Variants in HEATR1 observed in about 807,000 individuals in gnomAD.
The protein encoded by HEATR1 is HEAT repeat containing 1.
Under a neutral mutation model 248.2 loss-of-function variants are expected in HEATR1, and 77 were observed. The ratio of observed to expected loss-of-function variants is 0.31; its 90% confidence interval spans 0.26 to 0.37. The LOEUF (loss-of-function observed/expected upper bound fraction) is 0.37, where lower values mean the gene tolerates loss of function less well. HEATR1 is among the 10% of genes least tolerant of loss of function. The pLI, the probability that HEATR1 is intolerant of heterozygous loss-of-function variation, is 1.00. For missense variants in HEATR1, 2,420 were observed against 2,504.9 expected, an observed-to-expected ratio of 0.97 and a Z score of 0.72; for synonymous variants, 897 against 923.1, an observed-to-expected ratio of 0.97 and a Z score of 0.51.
At chr1:236,581,505 A>G (rs1356262945) in intron 19 of HEATR1, 91 bp from the exon 20 acceptor site, 18 of 908,898 alleles carry the variant, frequency 2.0e-5, no homozygotes, top group Non-Finnish European at 2.8e-5. Context: ...ATTATAAAGA[A>G]ACAAATAATT....
chr1:236,588,333 G>T (rs1558189665), intron 12 of HEATR1, among the ~76,000 whole-genome samples: 1 of 152,218 alleles, frequency 6.6e-6, no homozygotes, highest in African/African-American at 2.4e-5. Flanking sequence ...ATTAAAGTGA[G>T]AGCCCAGATA....
At chr1:236,595,483 A>T in intron 8 of HEATR1, 57 bp downstream of exon 8, 1 of 1,406,930 alleles carries the variant, frequency 7.1e-7, no homozygotes, top group Non-Finnish European at 9.8e-7. Flanking sequence ...GGATATGGTT[A>T]CTATTTTAAG....
intron 44 of HEATR1, chr1:236,551,244 G>A: frequency 2.1e-6 from 1 of 469,310 alleles, no homozygotes. Context: ...TCCTAGGGAT[G>A]CCACCCCTTT....
chr1:236,558,177 G>T, intron 36 of HEATR1, 60 bp downstream of exon 36: 3 of 1,474,368 alleles, frequency 2.0e-6, no homozygotes, highest in Non-Finnish European at 2.7e-6. Flanking sequence ...TCACCAAAGT[G>T]TTATTTTTCA....
chr1:236,571,770 C>A, intron 26 of HEATR1, 84 bp from the exon 27 acceptor site: 1 of 837,394 alleles, frequency 1.2e-6, no homozygotes, highest in Non-Finnish European at 1.9e-6. Context: ...GTCCAGAACT[C>A]ATTCAATAAG....
intron 20 of HEATR1, among the ~76,000 whole-genome samples, chr1:236,579,927 TAAA>T (rs764327680): frequency 1.1e-5 from 1 of 94,804 alleles, no homozygotes; most frequent in South Asian, 2.9e-4. Context: ...ATTTTGGAAT[TAAA>T]AAAAAAACAA....
rs1331363015 is a variant in HEATR1 at position 236,552,123 on chromosome 1, G to C, written c.6238-16C>G. 5 of 1,527,330 alleles carry C rather than the reference G, an allele frequency of 3.3e-6. No individual in the cohort carries two copies. The highest frequency in any genetic ancestry group is 1.1e-5 in the South Asian group (1 of 88,772). The allele number at this position is 1,527,330 out of a possible 1,614,324, so 94.6% of individuals were successfully genotyped here. A position where few individuals can be genotyped will look rare whatever the true frequency, so the allele number is the denominator to read the frequency against. ...CAAATCGAACCTGAAAGGGATAAAA[G>C]AGCAAAGAAATAAAAAGTAGTGTTA... On this transcript the variant is annotated splice_polypyrimidine_tract_variant and intron_variant, in intron 43 of 44. Transcript: ENST00000366582.
chr1:236,579,217 C>T, intron 20 of HEATR1, among the ~76,000 whole-genome samples: 1 of 152,142 alleles, frequency 6.6e-6, no homozygotes, highest in East Asian at 1.9e-4. Context: ...AGGCATACAA[C>T]TGTTTATTCA....
rs1283040331 is a variant in HEATR1, at chr1:236,581,237, A to G, written c.2740T>C (p.Ser914Pro). The G allele has an allele frequency of 6.2e-7, 1 of 1,613,256 alleles. No homozygotes were observed. The highest frequency in any genetic ancestry group is 2.2e-5 in the East Asian group (1 of 44,858). Residue 914 changes from serine to proline, a missense_variant, in exon 20 of 45, where the codon TCC becomes CCC. By Grantham distance (74) the Ser-to-Pro change is moderately conservative (BLOSUM62 -1). Transcript: ENST00000366582. The part of the protein sequence containing the change: ...QKTQCKHQLA[S>P]ISSPVVTSLL... ...CTTTTAATACCTGGAGAAGATATGG[A>G]TGCCAGTTGGTGTTTACACTGTGTC...
chr1:236,604,247 G>C, intron 1 of HEATR1, 120 bp from the exon 2 acceptor site: 1 of 711,274 alleles, frequency 1.4e-6, no homozygotes, highest in Non-Finnish European at 2.1e-6. Flanking sequence ...CCTGAGATTT[G>C]TGGACCCCGG....
rs547078368 is a variant in HEATR1, at chr1:236,596,005, A to G, written c.784T>C (p.Tyr262His). 2.5e-6 allele frequency: 4 copies of G among 1,613,668 alleles called. No individual in the cohort carries two copies. In the South Asian group the frequency reaches 4.4e-5, roughly 18 times the overall value. ...SSLPDYRAAT[Y>H]MIICQISVKV... The stretch of plus-strand genomic sequence containing the variant: ...ACAGAAATCTGACATATTATCATGT[A>G]TGTTGCAGCTCTGTAATCTGGTAAA... Residue 262 changes from tyrosine to histidine, a missense_variant, in exon 7 of 45, where the codon TAC becomes CAC. Transcript: ENST00000366582.
intron 41 of HEATR1, 75 bp downstream of exon 41, chr1:236,555,221 T>G: frequency 1.4e-6 from 2 of 1,473,150 alleles, no homozygotes; most frequent in Non-Finnish European, 1.8e-6. Context: ...TTCCAAGCAC[T>G]AGGTTGTGTC....
chr1:236,558,815 C>A (rs1030812780), intron 35 of HEATR1, among the ~76,000 whole-genome samples, 180 bp downstream of exon 35: 2 of 152,194 alleles, frequency 1.3e-5, no homozygotes, highest in African/African-American at 4.8e-5. Flanking sequence ...AGAGCTCTTA[C>A]AACACACATA....
chr1:236,564,186 T>C (rs562971344), intron 32 of HEATR1, among the ~76,000 whole-genome samples: 1 of 152,248 alleles, frequency 6.6e-6, no homozygotes, highest in South Asian at 2.1e-4. Flanking sequence ...ACCAGTTTTG[T>C]GCTACCATGA....
intron 19 of HEATR1, among the ~76,000 whole-genome samples, chr1:236,582,397 C>A (rs979381466): frequency 6.8e-6 from 1 of 147,680 alleles, no homozygotes; most frequent in Non-Finnish European, 1.5e-5. Context: ...TGAGCTACTG[C>A]GCCCAGCCCA....
chr1:236,593,831 A>G (rs1664106085), intron 9 of HEATR1, among the ~76,000 whole-genome samples, 181 bp downstream of exon 9: 1 of 152,218 alleles, frequency 6.6e-6, no homozygotes, highest in Non-Finnish European at 1.5e-5. Context: ...GACATGCAAG[A>G]AAAATTACTT....
intron 32 of HEATR1, among the ~76,000 whole-genome samples, chr1:236,561,929 A>C (rs1178819097): frequency 6.6e-6 from 1 of 152,000 alleles, no homozygotes; most frequent in Non-Finnish European, 1.5e-5. Flanking sequence ...TGTCCCTTTG[A>C]TCATCTTGGG....
At chr1:236,557,385 A>T in intron 36 of HEATR1, 40 bp from the exon 37 acceptor site, 1 of 1,607,364 alleles carries the variant, frequency 6.2e-7, no homozygotes, top group Non-Finnish European at 8.5e-7. Flanking sequence ...CTTGAAGCAG[A>T]AACAGAGGCT....
chr1:236,601,731 G>C (rs549458288), intron 3 of HEATR1, among the ~76,000 whole-genome samples: 137 of 152,214 alleles, frequency 9.0e-4, no homozygotes, highest in South Asian at 3.5e-3. Flanking sequence ...CAGCTACTTG[G>C]GTGGCTGAGA....
Sources: gnomAD v4.1 joint callset for allele counts (sites outside exome capture counted in the v4.1 genomes callset) on GRCh38, gnomAD v4.1.1 for gene constraint, MANE v1.5 for transcripts, NCBI Gene and HGNC (gene_info 2026-07-23, HGNC 2026-07-21) for gene names.